CCDC57: variants seen among roughly 807,000 people sequenced by gnomAD.
CCDC57 encodes coiled-coil domain containing 57, also known as coiled-coil domain-containing protein 57.
A neutral mutation model predicts 118.9 loss-of-function variants in CCDC57; 118 were observed. That is an observed-to-expected ratio of 0.99 (90% CI 0.86 to 1.16). The LOEUF (loss-of-function observed/expected upper bound fraction) is 1.16. CCDC57 is among the 50% of genes most tolerant of loss of function. The pLI is 0.00. For synonymous variants in CCDC57, 527 were observed against 532.9 expected (o/e 0.99, Z 0.15); for missense variants, 1,300 against 1,320.7 (o/e 0.98, Z 0.24).
intron 19 of CCDC57, among the ~76,000 whole-genome samples, chr17:82,114,948 C>T (rs565577472): frequency 5.8e-4 from 89 of 152,378 alleles, no homozygotes; most frequent in African/African-American, 2.1e-3. Flanking sequence ...CCATGGAGGG[C>T]GGCCCTGGGG....
At chr17:82,115,377 CT>C (rs1357387940) in intron 19 of CCDC57, among the ~76,000 whole-genome samples, 1 of 152,122 alleles carries the variant, frequency 6.6e-6, no homozygotes, top group Non-Finnish European at 1.5e-5. Flanking sequence ...TACAAGGTGT[CT>C]TCAACACACA....
At chr17:82,187,536 C>T (rs2047080224) in intron 8 of CCDC57, among the ~76,000 whole-genome samples, 1 of 61,830 alleles carries the variant, frequency 1.6e-5, no homozygotes, top group Non-Finnish European at 3.0e-5. Context: ...GCTGGTGGGG[C>T]TCGGGGGGAG....
chr17:82,200,470 G>A (rs1046568265), intron 3 of CCDC57, among the ~76,000 whole-genome samples: 4 of 152,046 alleles, frequency 2.6e-5, no homozygotes, highest in Admixed American at 6.6e-5. Context: ...TTACTCCTGC[G>A]GCTTTAAAAA....
intron 19 of CCDC57, among the ~76,000 whole-genome samples, chr17:82,106,759 G>T (rs1448808382): frequency 1.3e-5 from 2 of 152,230 alleles, no homozygotes; most frequent in Non-Finnish European, 2.9e-5. Context: ...GTGTTTAGAC[G>T]ACTCGTGGTC....
intron 16 of CCDC57, among the ~76,000 whole-genome samples, chr17:82,135,693 G>T (rs961432443): frequency 6.6e-6 from 1 of 152,126 alleles, no homozygotes; most frequent in Non-Finnish European, 1.5e-5. Flanking sequence ...AACACCATTG[G>T]TCACCAGGAG....
At chr17:82,117,156 C>A (rs1237283358) in intron 19 of CCDC57, among the ~76,000 whole-genome samples, 1 of 151,932 alleles carries the variant, frequency 6.6e-6, no homozygotes, top group Non-Finnish European at 1.5e-5. Context: ...TCGAGACCAG[C>A]CTGGGCTAAC....
intron 16 of CCDC57, among the ~76,000 whole-genome samples, chr17:82,143,831 G>C (rs555184669): frequency 4.6e-5 from 7 of 151,802 alleles, no homozygotes; most frequent in Admixed American, 4.6e-4. Context: ...GGGCGCAGTG[G>C]CTCACACCTG....
intron 4 of CCDC57, among the ~76,000 whole-genome samples, chr17:82,197,709 G>A (rs761985487): frequency 6.6e-6 from 1 of 152,224 alleles, no homozygotes; most frequent in East Asian, 1.9e-4. Context: ...GTTTCCAGAA[G>A]AGACTAGCCC....
chr17:82,203,088 C>T (rs1180169624), intron 2 of CCDC57, among the ~76,000 whole-genome samples: 1 of 152,198 alleles, frequency 6.6e-6, no homozygotes, highest in African/African-American at 2.4e-5. Flanking sequence ...GTGTTTGGAT[C>T]ATGTGGGCGG....
chr17:82,146,959 AT>A lies in CCDC57; in HGVS notation c.2455+4600del, dbSNP rs2040839512. Among the ~76,000 whole-genome samples, 3 of 152,250 alleles carry A rather than the reference AT, an allele frequency of 2.0e-5. No homozygotes were observed. In the South Asian group the frequency reaches 6.2e-4, roughly 31 times the overall value. On this transcript the variant is annotated intron_variant, in intron 16 of 19. Transcript: ENST00000665763. ...CAGTCTCGTCTCGGGAAGTGCTAGG[AT>A]TACAGGCGTGAGCCACCACACACAG...
exon 3 of CCDC57, chr17:82,201,768 G>A (rs937361094): frequency 6.2e-7 from 1 of 1,613,838 alleles, no homozygotes; most frequent in Non-Finnish European, 8.5e-7. Flanking sequence ...CCTGAAGGTT[G>A]TAGACAAAGT....
chr17:82,103,536 C>T (rs1233753457), intron 19 of CCDC57, among the ~76,000 whole-genome samples: 3 of 152,182 alleles, frequency 2.0e-5, no homozygotes, highest in Non-Finnish European at 2.9e-5. Flanking sequence ...GGGCTTCCTG[C>T]GGGGAAGCTG....
chr17:82,123,513 G>C (rs373716159), intron 19 of CCDC57, among the ~76,000 whole-genome samples: 294 of 152,076 alleles, frequency 1.9e-3, no homozygotes, highest in African/African-American at 6.8e-3. Context: ...CTGGTAAAGG[G>C]AGGAAAAGAT....
rs1001494186 is a variant in CCDC57, at chr17:82,178,504, C to T, written c.1476G>A (p.Arg492=). ...CCCCTGGTCTGGGGAGCCCATGCAT[C>T]CTCAGGGCCTGCACGGCCTGGTCTC... The change falls in exon 11 of 20, where the codon AGG becomes AGA. Residue 492 remains arginine, a synonymous_variant. Transcript: ENST00000665763. The T allele has an allele frequency of 1.9e-6, 3 of 1,613,572 alleles. No homozygotes were observed. The African/African-American group carries it at 4.0e-5, about 22-fold the overall frequency.
In CCDC57 at chr17:82,126,475, A is replaced by C. The variant is rs4789683; in HGVS notation, c.2899+1217T>G. 3.3e-4 allele frequency: 321 copies of C among 976,016 alleles called. 9 individuals carry two copies. The Admixed American group carries it at 0.017, about 53-fold the overall frequency. 60.5% of individuals were successfully genotyped at this position (976,016 alleles called of 1,614,324 possible). A position where few individuals can be genotyped will look rare whatever the true frequency, so the allele number is the denominator to read the frequency against. On this transcript the variant is annotated intron_variant, in intron 19 of 19. Coordinates refer to ENST00000665763, the Ensembl canonical transcript of CCDC57. ...AATGAGCTGCTACAAATCAATAAGA[A>C]AGACCACAATCTAATACACAAATGG...
intron 15 of CCDC57, chr17:82,153,374 T>TA (rs905405215): frequency 5.3e-5 from 8 of 152,300 alleles, no homozygotes; most frequent in African/African-American, 1.4e-4. Flanking sequence ...TCAAAACACT[T>TA]AGAGATTTAA....
At chr17:82,128,010 GC>G in intron 18 of CCDC57, 102 bp from the exon 18 acceptor site, 1 of 1,495,504 alleles carries the variant, frequency 6.7e-7, no homozygotes, top group Non-Finnish European at 8.9e-7. Context: ...GCGACAGTGG[GC>G]CTGGCTTAAA....
intron 3 of CCDC57, among the ~76,000 whole-genome samples, chr17:82,199,385 G>A (rs966210132): frequency 2.0e-5 from 3 of 148,030 alleles, no homozygotes; most frequent in African/African-American, 4.9e-5. Context: ...GGCTGAGGCA[G>A]GAGAACCCCT....
intron 13 of CCDC57, 45 bp downstream of exon 12, chr17:82,171,656 A>C (rs530857955): frequency 6.3e-7 from 1 of 1,584,508 alleles, no homozygotes; most frequent in South Asian, 1.1e-5. Flanking sequence ...GTCAGATTTC[A>C]GTTTATAAGG....
Sources: allele counts gnomAD v4.1 joint callset (sites outside exome capture counted in the v4.1 genomes callset), GRCh38; gene constraint gnomAD v4.1.1; transcripts MANE v1.5; gene names NCBI Gene and HGNC (gene_info 2026-07-23, HGNC 2026-07-21).